The following LRRTM4 variants were observed in gnomAD, a reference collection of about 807,000 sequenced individuals.
The protein encoded by LRRTM4 is leucine-rich repeat transmembrane neuronal protein 4.
Under a neutral mutation model 47.6 loss-of-function variants are expected in LRRTM4, and 25 were observed. That is an observed-to-expected ratio of 0.53 (90% confidence interval 0.38 to 0.73). The LOEUF is 0.73. LRRTM4 is among the 30% of genes least tolerant of loss of function. The pLI is 0.00. For synonymous variants in LRRTM4, 311 were observed against 269.5 expected (o/e 1.15, Z -1.51); for missense variants, 638 against 713.4 (o/e 0.89, Z 1.20).
At chr2:77,407,971 A>G (rs1285855866) in intron 3 of LRRTM4, among the ~76,000 whole-genome samples, 2 of 151,866 alleles carry the variant, frequency 1.3e-5, no homozygotes, top group Non-Finnish European at 2.9e-5. Context: ...TGTTTCTTTG[A>G]TTCAAACCAA....
chr2:77,477,897 G>A (rs1341652628), intron 3 of LRRTM4, among the ~76,000 whole-genome samples: 2 of 72,244 alleles, frequency 2.8e-5, no homozygotes, highest in African/African-American at 5.5e-5. Context: ...GAAAGAAAAA[G>A]AAAGAAAAAG....
At position 77,069,331 on chromosome 2, in the gene LRRTM4, G is replaced by T. The variant is rs184466942; in HGVS notation, c.1552-320415C>A. 3.0e-4 allele frequency among the ~76,000 whole-genome samples: 45 copies of T among 151,298 alleles called. No individual in the cohort carries two copies. In the East Asian group the frequency reaches 8.8e-3, roughly 29 times the overall value. On this transcript the variant is annotated intron_variant, in intron 3 of 3. Transcript: ENST00000409884. ...ACATACATGTACAGGCTTTCATGTG[G>T]ATACGTTTTTTAGATTTTCTTGGAT...
rs191228849 is a variant in LRRTM4, at chr2:77,300,311, A to C, written c.1551+218007T>G. On this transcript the variant is annotated intron_variant, in intron 3 of 3. Transcript: ENST00000409884. ...CTATCATAGCTATAACATTTGTACT[A>C]ATCTTTAATGCTACTATCTAGGTGA... 1.1e-3 allele frequency among the ~76,000 whole-genome samples: 161 copies of C among 152,280 alleles called. 1 individual carries two copies. The highest frequency in any genetic ancestry group is 3.6e-3 in the African/African-American group (148 of 41,554).
At chr2:76,785,903 C>T (rs181045091) in intron 3 of LRRTM4, among the ~76,000 whole-genome samples, 4 of 152,122 alleles carry the variant, frequency 2.6e-5, no homozygotes, top group East Asian at 3.9e-4. Flanking sequence ...GTGTGTAGGC[C>T]GACCACAAAC....
chr2:77,310,115 C>G (rs1001306606), intron 3 of LRRTM4, among the ~76,000 whole-genome samples: 1 of 151,868 alleles, frequency 6.6e-6, no homozygotes, highest in African/African-American at 2.4e-5. Flanking sequence ...TGAGTTAGTA[C>G]TAAGTGAAAA....
chr2:76,795,158 G>A (rs1315761743), intron 3 of LRRTM4, among the ~76,000 whole-genome samples: 1 of 151,394 alleles, frequency 6.6e-6, no homozygotes, highest in Non-Finnish European at 1.5e-5. Flanking sequence ...TATATGAATA[G>A]GCAATGATCA....
intron 3 of LRRTM4, among the ~76,000 whole-genome samples, chr2:76,793,469 A>G (rs902977392): frequency 6.6e-6 from 1 of 152,144 alleles, no homozygotes; most frequent in African/African-American, 2.4e-5. Flanking sequence ...ACTTTGTTCT[A>G]TCTACTTTAA....
intron 3 of LRRTM4, among the ~76,000 whole-genome samples, chr2:76,831,026 G>C (rs989856621): frequency 1.3e-5 from 2 of 152,056 alleles, no homozygotes; most frequent in Non-Finnish European, 2.9e-5. Flanking sequence ...TTACTCTTAA[G>C]AATATTTGTG....
chr2:77,469,166 C>G (rs1677091801), intron 3 of LRRTM4, among the ~76,000 whole-genome samples: 1 of 152,158 alleles, frequency 6.6e-6, no homozygotes, highest in Non-Finnish European at 1.5e-5. Flanking sequence ...TCTGCCTAAG[C>G]ATTTACATTT....
chr2:77,137,996 A>G (rs1672000111), intron 3 of LRRTM4, among the ~76,000 whole-genome samples: 1 of 152,146 alleles, frequency 6.6e-6, no homozygotes, highest in South Asian at 2.1e-4. Context: ...AGAACTACCA[A>G]CAGACTTAGA....
chr2:76,890,898 C>T (rs1162509557), intron 3 of LRRTM4, among the ~76,000 whole-genome samples: 4 of 151,806 alleles, frequency 2.6e-5, no homozygotes, highest in Middle Eastern at 3.4e-3. Context: ...GGTACAGAGG[C>T]GTAACAGTTG....
chr2:76,773,273 T>A, intron 3 of LRRTM4, among the ~76,000 whole-genome samples: 1 of 152,226 alleles, frequency 6.6e-6, no homozygotes, highest in East Asian at 1.9e-4. Flanking sequence ...TTCTCCACCA[T>A]AATGGCCTCC....
intron 3 of LRRTM4, among the ~76,000 whole-genome samples, chr2:76,815,533 C>G (rs1326828170): frequency 6.6e-6 from 1 of 152,066 alleles, no homozygotes; most frequent in African/African-American, 2.4e-5. Flanking sequence ...AAGGCAGGAT[C>G]TGACAAATAG....
intron 3 of LRRTM4, among the ~76,000 whole-genome samples, chr2:77,226,298 G>C (rs1464036855): frequency 6.6e-6 from 1 of 151,550 alleles, no homozygotes; most frequent in South Asian, 2.1e-4. Context: ...GCACAGGTAC[G>C]GTCAGAGAAT....
intron 3 of LRRTM4, among the ~76,000 whole-genome samples, chr2:77,301,942 C>A (rs750376394): frequency 2.0e-5 from 3 of 151,788 alleles, no homozygotes; most frequent in Non-Finnish European, 4.4e-5. Context: ...TAGCAACACT[C>A]GAAAATATTA....
At chr2:77,024,743 CTT>C (rs1226796662) in intron 3 of LRRTM4, among the ~76,000 whole-genome samples, 1 of 152,028 alleles carries the variant, frequency 6.6e-6, no homozygotes, top group Non-Finnish European at 1.5e-5. Flanking sequence ...ATATAAAACA[CTT>C]TCAAATTTAA....
chr2:77,212,355 G>GATATATATATATATATAGTGTCAT (rs1674316165), intron 3 of LRRTM4, among the ~76,000 whole-genome samples: 1 of 146,588 alleles, frequency 6.8e-6, no homozygotes, highest in African/African-American at 2.5e-5. Context: ...ATTAACTCAT[G>GATATATATATATATATAGTGTCAT]ATATATATAT....
At chr2:77,090,700 G>A (rs1172452572) in intron 3 of LRRTM4, among the ~76,000 whole-genome samples, 2 of 152,102 alleles carry the variant, frequency 1.3e-5, no homozygotes, top group East Asian at 1.9e-4. Context: ...TGCAGCCCAG[G>A]ATTCCTCCTA....
chr2:77,254,437 A>G (rs1274752215), intron 3 of LRRTM4, among the ~76,000 whole-genome samples: 19 of 152,010 alleles, frequency 1.2e-4, no homozygotes, highest in Admixed American at 1.2e-3. Flanking sequence ...GATTTAGGGC[A>G]TTCTCTAAAC....
Sources: allele counts gnomAD v4.1 joint callset (sites outside exome capture counted in the v4.1 genomes callset), GRCh38; gene constraint gnomAD v4.1.1; transcripts MANE v1.5; gene names NCBI Gene and HGNC (gene_info 2026-07-23, HGNC 2026-07-21).